Variants in ANO1 observed in about 807,000 individuals in gnomAD.
ANO1 encodes the protein anoctamin-1.
A neutral mutation model predicts 124.0 loss-of-function variants in ANO1; 59 were observed. The observed-to-expected ratio is 0.48, with a 90% CI of 0.39 to 0.59. The LOEUF (loss-of-function observed/expected upper bound fraction) is 0.59, where lower values mean the gene tolerates loss of function less well. Among genes scored for constraint, ANO1 ranks in the 20% least tolerant of loss-of-function variants. ANO1 has a pLI of 0.00. For synonymous variants in ANO1, 529 were observed against 532.0 expected (o/e 0.99, Z 0.08); for missense variants, 1,059 against 1,328.0 (o/e 0.80, Z 3.15).
intron 1 of ANO1, among the ~76,000 whole-genome samples, chr11:70,082,089 G>T (rs1324782082): frequency 6.6e-6 from 1 of 152,262 alleles, no homozygotes; most frequent in East Asian, 1.9e-4. Context: ...GAGGCTCCCA[G>T]TTGGGGGTTG....
At chr11:70,014,971 C>T (rs1346366153) in intron 1 of ANO1, 1 of 151,586 alleles carries the variant, frequency 6.6e-6, no homozygotes, top group African/African-American at 2.4e-5. Context: ...GAAGGCCAGA[C>T]TGAGGGTGCT....
chr11:70,187,420 C>G (rs1432034400), intron 25 of ANO1, among the ~76,000 whole-genome samples: 2 of 152,102 alleles, frequency 1.3e-5, no homozygotes, highest in Non-Finnish European at 1.5e-5. Flanking sequence ...CCCAAAGGCT[C>G]GATGCTCGTT....
intron 1 of ANO1, among the ~76,000 whole-genome samples, chr11:70,009,403 T>C (rs1490541430): frequency 6.6e-6 from 1 of 152,168 alleles, no homozygotes; most frequent in Admixed American, 6.5e-5. Flanking sequence ...TGGCATCACC[T>C]GGGGCCTCTG....
intron 2 of ANO1, among the ~76,000 whole-genome samples, chr11:70,100,573 A>C (rs2135336473): frequency 6.6e-6 from 1 of 152,186 alleles, no homozygotes; most frequent in South Asian, 2.1e-4. Context: ...TTGACTGTGG[A>C]CTTCAGGCCT....
intron 8 of ANO1, among the ~76,000 whole-genome samples, chr11:70,118,137 G>A (rs1280423767): frequency 2.0e-5 from 3 of 151,708 alleles, no homozygotes; most frequent in Admixed American, 2.0e-4. Flanking sequence ...GACACCAGTA[G>A]TCCCTTTCTA....
At chr11:70,132,176 A>C (rs1028561272) in intron 11 of ANO1, 97 bp downstream of exon 11, 3 of 1,425,198 alleles carry the variant, frequency 2.1e-6, no homozygotes, top group Non-Finnish European at 2.8e-6. Context: ...ATCCTCAGGC[A>C]GGGGTTGTCG....
At chr11:70,085,708 C>T in intron 1 of ANO1, 5 of 1,441,564 alleles carry the variant, frequency 3.5e-6, no homozygotes, top group East Asian at 2.5e-5. Context: ...GGCCCAGAGC[C>T]TCCTCTCTCC....
upstream of ANO1, chr11:69,985,808 G>T (rs1163959373): frequency 6.6e-6 from 1 of 152,292 alleles, no homozygotes; most frequent in African/African-American, 2.4e-5. Context: ...GGGAGCGCGG[G>T]GCGGGGCGAG....
intron 18 of ANO1, among the ~76,000 whole-genome samples, chr11:70,162,720 G>A (rs2048105572): frequency 6.6e-6 from 1 of 152,092 alleles, no homozygotes; most frequent in Non-Finnish European, 1.5e-5. Flanking sequence ...CCTGGCCCAG[G>A]GTCCCAGGGC....
intron 1 of ANO1, among the ~76,000 whole-genome samples, chr11:70,042,757 C>T (rs1555005206): frequency 6.6e-6 from 1 of 152,184 alleles, no homozygotes; most frequent in East Asian, 1.9e-4. Context: ...CAGGGCATCA[C>T]TGAGCAGGAT....
rs930882766 is a variant in ANO1, at chr11:70,116,352, G to A, written c.856-106G>A. 12 of 1,156,184 alleles carry A rather than the reference G, an allele frequency of 1.0e-5. No homozygotes were observed. In the Admixed American group the frequency reaches 2.3e-4, roughly 22 times the overall value. 71.6% of individuals were successfully genotyped at this position (1,156,184 alleles called of 1,614,324 possible). A position where few individuals can be genotyped will look rare whatever the true frequency, so the allele number is the denominator to read the frequency against. On this transcript the variant is annotated intron_variant, in intron 7 of 25. Transcript: ENST00000355303. ...TGTTGCCCCAGGATGATCTTAATTT[G>A]TGTCAACGAGAGCTGCTGGGGTTTA...
chr11:70,073,323 G>A (rs782049287), upstream of ANO1, among the ~76,000 whole-genome samples: 20 of 152,064 alleles, frequency 1.3e-4, no homozygotes, highest in Non-Finnish European at 2.2e-4. Context: ...TTAAGATTTC[G>A]TCTAAACTTC....
upstream of ANO1, among the ~76,000 whole-genome samples, chr11:70,074,470 C>A (rs782601303): frequency 6.6e-6 from 1 of 152,258 alleles, no homozygotes; most frequent in East Asian, 1.9e-4. Flanking sequence ...ATGGAGTGAG[C>A]TCTGGTTTGA....
At chr11:70,182,814 A>C (rs2048978881) in intron 24 of ANO1, 128 bp downstream of exon 24, 2 of 936,418 alleles carry the variant, frequency 2.1e-6, no homozygotes, top group African/African-American at 1.7e-5. Flanking sequence ...AAGAAGAAGA[A>C]GGAAAAAAAA....
At chr11:70,020,661 C>G (rs1555002537) in intron 1 of ANO1, among the ~76,000 whole-genome samples, 2 of 152,186 alleles carry the variant, frequency 1.3e-5, no homozygotes, top group Non-Finnish European at 2.9e-5. Context: ...TCAGCCTAAC[C>G]CAATCCCACA....
At chr11:70,013,377 G>C (rs1293611026) in intron 1 of ANO1, among the ~76,000 whole-genome samples, 1 of 150,916 alleles carries the variant, frequency 6.6e-6, no homozygotes, top group Non-Finnish European at 1.5e-5. Context: ...GCCACACCAG[G>C]CTTGCCTTTT....
chr11:70,180,525 G>A (rs769444016), intron 23 of ANO1, among the ~76,000 whole-genome samples: 2 of 152,060 alleles, frequency 1.3e-5, no homozygotes, highest in East Asian at 3.9e-4. Context: ...CGCCCTCCTC[G>A]GCCTCCCAAA....
intron 5 of ANO1, 107 bp downstream of exon 5, chr11:70,105,895 T>G: frequency 8.5e-7 from 1 of 1,171,060 alleles, no homozygotes; most frequent in South Asian, 1.3e-5. Context: ...CCGGCTCTAA[T>G]TGTCTGTGAC....
At chr11:70,042,861 C>T (rs1857204950) in intron 1 of ANO1, among the ~76,000 whole-genome samples, 1 of 152,142 alleles carries the variant, frequency 6.6e-6, no homozygotes, top group African/African-American at 2.4e-5. Flanking sequence ...GGATTCTAAG[C>T]AACTTAACTG....
Sources: gnomAD v4.1 joint callset for allele counts (sites outside exome capture counted in the v4.1 genomes callset) on GRCh38, gnomAD v4.1.1 for gene constraint, MANE v1.5 for transcripts, NCBI Gene and HGNC (gene_info 2026-07-23, HGNC 2026-07-21) for gene names.